The following LUZP2 variants were observed in gnomAD, a reference collection of about 807,000 sequenced individuals.
The protein encoded by LUZP2 is leucine zipper protein 2.
Under a neutral mutation model 51.6 loss-of-function variants are expected in LUZP2, and 52 were observed. The ratio of observed to expected loss-of-function variants is 1.01; its 90% confidence interval spans 0.81 to 1.27. LUZP2 has a LOEUF of 1.27. LUZP2 is among the 50% of genes most tolerant of loss of function. The pLI, the probability that LUZP2 is intolerant of heterozygous loss-of-function variation, is 0.00. For synonymous variants in LUZP2, 154 were observed against 137.3 expected (o/e 1.12, Z -0.85); for missense variants, 436 against 395.4 (o/e 1.10, Z -0.87).
intron 1 of LUZP2, among the ~76,000 whole-genome samples, chr11:24,557,391 T>G (rs1025305683): frequency 1.3e-5 from 2 of 152,194 alleles, no homozygotes; most frequent in Non-Finnish European, 2.9e-5. Flanking sequence ...ATTATGGTTT[T>G]GAGTAAAATT....
At position 24,611,849 on chromosome 11, in the gene LUZP2, A is replaced by G. The variant is rs565576204; in HGVS notation, c.62+114544A>G. The stretch of plus-strand genomic sequence containing the variant: ...AAACTGACTCTCACAGGAGCATGAC[A>G]TATCTAGGAACTGGTTGGAATATTA... On this transcript the variant is annotated intron_variant, in intron 1 of 11. Transcript: ENST00000336930. The surrounding 1 kb of genome is among the most constrained non-coding windows in gnomAD (Gnocchi z 4.6). 5.3e-5 allele frequency among the ~76,000 whole-genome samples: 8 copies of G among 152,328 alleles called. No homozygotes were observed. In the East Asian group the frequency reaches 1.5e-3, roughly 29 times the overall value.
At chr11:24,823,641 C>A (rs916779798) in intron 5 of LUZP2, among the ~76,000 whole-genome samples, 5 of 152,032 alleles carry the variant, frequency 3.3e-5, no homozygotes, top group Non-Finnish European at 5.9e-5. Context: ...GTGCCTTAGG[C>A]TATGCCAGCA....
chr11:24,878,170 T>C (rs1852338002), intron 5 of LUZP2, among the ~76,000 whole-genome samples: 1 of 150,106 alleles, frequency 6.7e-6, no homozygotes. Flanking sequence ...TTATTGTACA[T>C]TAATGCCCTT....
At chr11:24,589,310 G>A (rs545870377) in intron 1 of LUZP2, among the ~76,000 whole-genome samples, 1 of 152,156 alleles carries the variant, frequency 6.6e-6, no homozygotes, top group Non-Finnish European at 1.5e-5. Flanking sequence ...TAGTTACCTT[G>A]TTCCTACCTC....
chr11:24,763,496 T>C (rs1860060562), intron 5 of LUZP2, among the ~76,000 whole-genome samples, 188 bp downstream of exon 5: 1 of 152,142 alleles, frequency 6.6e-6, no homozygotes, highest in South Asian at 2.1e-4. Context: ...TATATATATT[T>C]GATCATTTCA....
chr11:24,744,680 A>G (rs1428416404), intron 4 of LUZP2, among the ~76,000 whole-genome samples: 1 of 151,330 alleles, frequency 6.6e-6, no homozygotes, highest in Non-Finnish European at 1.5e-5. Context: ...TATCTTTTGT[A>G]TTGGTTGTTT....
At chr11:24,739,932 G>T (rs1281618369) in intron 4 of LUZP2, among the ~76,000 whole-genome samples, 1 of 152,042 alleles carries the variant, frequency 6.6e-6, no homozygotes, top group Non-Finnish European at 1.5e-5. Context: ...TGGCTCACTG[G>T]ATACCAAATG....
intron 1 of LUZP2, among the ~76,000 whole-genome samples, chr11:24,571,109 T>A: frequency 6.6e-6 from 1 of 152,050 alleles, no homozygotes; most frequent in East Asian, 1.9e-4. Flanking sequence ...GAAGATCAGA[T>A]GGGTTGCCAC....
chr11:24,860,842 G>T (rs185573551), intron 5 of LUZP2, among the ~76,000 whole-genome samples: 1 of 152,094 alleles, frequency 6.6e-6, no homozygotes, highest in Non-Finnish European at 1.5e-5. Context: ...AACTCACAAA[G>T]ATAAGACAGA....
intron 5 of LUZP2, among the ~76,000 whole-genome samples, chr11:24,776,952 C>G (rs938304819): frequency 5.9e-5 from 9 of 151,372 alleles, no homozygotes; most frequent in Non-Finnish European, 1.2e-4. Flanking sequence ...CCTTCATTCC[C>G]AACAGGGCAA....
chr11:24,939,776 A>T (rs1037699281), intron 7 of LUZP2, among the ~76,000 whole-genome samples: 9 of 152,188 alleles, frequency 5.9e-5, no homozygotes, highest in Non-Finnish European at 1.5e-5. Context: ...TGGTGATATT[A>T]ACAAGGTTTG....
intron 5 of LUZP2, among the ~76,000 whole-genome samples, chr11:24,777,154 T>C (rs1268640506): frequency 2.6e-5 from 4 of 151,930 alleles, no homozygotes; most frequent in Non-Finnish European, 5.9e-5. Context: ...CCACCACGCC[T>C]GGCTAATTTT....
intron 5 of LUZP2, among the ~76,000 whole-genome samples, chr11:24,801,717 T>C (rs141100086): frequency 3.8e-4 from 57 of 151,678 alleles, no homozygotes; most frequent in African/African-American, 1.3e-3. Context: ...AATAGTCTAG[T>C]AGGGGATGTA....
At chr11:24,500,258 A>G (rs1323485047) in intron 1 of LUZP2, among the ~76,000 whole-genome samples, 1 of 152,206 alleles carries the variant, frequency 6.6e-6, no homozygotes, top group Non-Finnish European at 1.5e-5. Flanking sequence ...ACAAAGAAAA[A>G]GAGCTGTTTA....
At chr11:24,852,345 G>A (rs1851422706) in intron 5 of LUZP2, among the ~76,000 whole-genome samples, 1 of 152,106 alleles carries the variant, frequency 6.6e-6, no homozygotes, top group Admixed American at 6.5e-5. Flanking sequence ...ATTTATTTCT[G>A]CCTTAATTTC....
intron 1 of LUZP2, among the ~76,000 whole-genome samples, chr11:24,572,650 T>A (rs1323664028): frequency 6.6e-6 from 1 of 151,938 alleles, no homozygotes; most frequent in Non-Finnish European, 1.5e-5. Flanking sequence ...AACTGAGGGG[T>A]GAAGCCTGGA....
intron 5 of LUZP2, among the ~76,000 whole-genome samples, chr11:24,849,858 G>T (rs1851332023): frequency 1.3e-5 from 2 of 152,134 alleles, no homozygotes; most frequent in African/African-American, 2.4e-5. Context: ...GTTTTCATTT[G>T]CATTTCTCTA....
At chr11:24,753,854 C>A (rs780476691) in intron 4 of LUZP2, among the ~76,000 whole-genome samples, 11 of 152,068 alleles carry the variant, frequency 7.2e-5, no homozygotes, top group African/African-American at 2.7e-4. Flanking sequence ...CCAGACAATG[C>A]CACGGATGGG....
At chr11:24,703,930 C>A (rs1857493682) in intron 1 of LUZP2, among the ~76,000 whole-genome samples, 1 of 151,754 alleles carries the variant, frequency 6.6e-6, no homozygotes, top group Non-Finnish European at 1.5e-5. Flanking sequence ...AAAGCTAAAT[C>A]TCTTGGGAAT....
Sources: allele counts gnomAD v4.1 joint callset (sites outside exome capture counted in the v4.1 genomes callset), GRCh38; gene constraint gnomAD v4.1.1; non-coding constraint Gnocchi (gnomAD v3.1); transcripts MANE v1.5; gene names NCBI Gene and HGNC (gene_info 2026-07-23, HGNC 2026-07-21).